EML1: variants seen among roughly 807,000 people sequenced by gnomAD.
EML1 encodes echinoderm microtubule-associated protein-like 1.
EML1 carries 27 observed loss-of-function variants against 110.4 expected under a neutral mutation model. The ratio of observed to expected loss-of-function variants is 0.24; its 90% CI spans 0.18 to 0.34. EML1 has a LOEUF of 0.34. Ranked by LOEUF, EML1 falls within the 10% of genes least tolerant of loss-of-function variation. The pLI, the probability that EML1 is intolerant of heterozygous loss-of-function variation, is 1.00. For missense variants in EML1, 741 were observed against 1,030.9 expected (o/e 0.72, Z 3.85); for synonymous variants, 344 against 385.8 (o/e 0.89, Z 1.27).
chr14:99,797,268 G>C (rs995166492), intron 1 of EML1, among the ~76,000 whole-genome samples: 1 of 152,230 alleles, frequency 6.6e-6, no homozygotes, highest in African/African-American at 2.4e-5. Context: ...GTTGTAGCCT[G>C]TGTCATCATG....
intron 1 of EML1, among the ~76,000 whole-genome samples, chr14:99,756,096 C>T (rs767340229): frequency 5.3e-5 from 8 of 152,196 alleles, no homozygotes; most frequent in Non-Finnish European, 8.8e-5. Context: ...GAAATGCAGC[C>T]AAGAAGGGGA....
At chr14:99,903,628 T>C (rs2140026922) in intron 9 of EML1, among the ~76,000 whole-genome samples, 1 of 152,294 alleles carries the variant, frequency 6.6e-6, no homozygotes, top group African/African-American at 2.4e-5. Flanking sequence ...CACATGCCAG[T>C]AACATATTTA....
intron 1 of EML1, among the ~76,000 whole-genome samples, chr14:99,758,262 A>G (rs1461209307): frequency 1.3e-5 from 2 of 152,222 alleles, no homozygotes; most frequent in Non-Finnish European, 2.9e-5. Flanking sequence ...ACAGACAGGA[A>G]AGACTGAGGG....
chr14:99,894,589 G>C, intron 5 of EML1, 40 bp from the exon 6 acceptor site: 1 of 1,594,736 alleles, frequency 6.3e-7, no homozygotes, highest in East Asian at 2.3e-5. Context: ...GGTACGCTGG[G>C]CACTGAGGTA....
chr14:99,883,559 C>A (rs2059424365), intron 4 of EML1: 1 of 151,380 alleles, frequency 6.6e-6, no homozygotes, highest in Non-Finnish European at 1.5e-5. Flanking sequence ...AATCTAGATG[C>A]ACTAAAAAGA....
chr14:99,932,483 G>C, intron 17 of EML1, among the ~76,000 whole-genome samples: 1 of 151,666 alleles, frequency 6.6e-6, no homozygotes, highest in Non-Finnish European at 1.5e-5. Flanking sequence ...CTAAAAATAC[G>C]AAATAATTAG....
At position 99,804,491 on chromosome 14, in the gene EML1, AG is replaced by A. The variant is rs554893997; in HGVS notation, c.67+10949del. On this transcript the variant is annotated intron_variant, in intron 1 of 21. Coordinates refer to ENST00000262233, the MANE Select transcript of EML1 (RefSeq NM_004434.3). ...AAGGAAACAGAGGCCCAAAACTTTGAGTAACTTGTTCAAGATTGCCTGGCCA... is the reference window on the plus strand; with the variant it reads ...AAGGAAACAGAGGCCCAAAACTTTGATAACTTGTTCAAGATTGCCTGGCCA... Among the ~76,000 whole-genome samples the A allele has an allele frequency of 4.9e-4, 75 of 152,320 alleles. 2 individuals are homozygous for A. In the South Asian group the frequency reaches 0.014, roughly 29 times the overall value.
At chr14:99,881,821 G>A (rs1484998672) in intron 4 of EML1, among the ~76,000 whole-genome samples, 3 of 151,958 alleles carry the variant, frequency 2.0e-5, no homozygotes, top group African/African-American at 4.8e-5. Context: ...GGATGGTCTC[G>A]ATCTCTTGAC....
At chr14:99,931,122 G>T (rs1335008392) in intron 17 of EML1, among the ~76,000 whole-genome samples, 1 of 152,090 alleles carries the variant, frequency 6.6e-6, no homozygotes, top group Non-Finnish European at 1.5e-5. Context: ...CCCTCCCTGG[G>T]TTGATCCCCA....
intron 8 of EML1, among the ~76,000 whole-genome samples, chr14:99,899,918 G>A (rs570664441): frequency 2.6e-5 from 4 of 152,000 alleles, no homozygotes; most frequent in Non-Finnish European, 5.9e-5. Context: ...GAATGCCCGC[G>A]GACACCCAGC....
At chr14:99,760,676 G>C (rs1314064599) in intron 1 of EML1, among the ~76,000 whole-genome samples, 1 of 152,094 alleles carries the variant, frequency 6.6e-6, no homozygotes, top group African/African-American at 2.4e-5. Context: ...AAAGGGCTTT[G>C]CAGACAGACT....
chr14:99,844,281 C>T (rs552339337), intron 1 of EML1, among the ~76,000 whole-genome samples: 1 of 152,238 alleles, frequency 6.6e-6, no homozygotes, highest in Non-Finnish European at 1.5e-5. Context: ...GGGTTCAAGA[C>T]CAACCTGGCC....
intron 2 of EML1, among the ~76,000 whole-genome samples, chr14:99,852,234 C>T (rs1235272054): frequency 1.3e-5 from 2 of 152,246 alleles, no homozygotes; most frequent in Non-Finnish European, 2.9e-5. Context: ...TCGTGACTAA[C>T]TGTAGAAAAG....
At chr14:99,745,681 G>A (rs147751820) in intron 1 of EML1, among the ~76,000 whole-genome samples, 18 of 152,288 alleles carry the variant, frequency 1.2e-4, no homozygotes, top group African/African-American at 4.1e-4. Flanking sequence ...GTCCACCCTC[G>A]AGGCCAAACT....
chr14:99,798,135 G>C (rs1175012822), intron 1 of EML1, among the ~76,000 whole-genome samples: 1 of 152,178 alleles, frequency 6.6e-6, no homozygotes, highest in East Asian at 1.9e-4. Flanking sequence ...GGTCCGTAGA[G>C]AATAGGTTTA....
upstream of EML1, among the ~76,000 whole-genome samples, chr14:99,770,127 G>A (rs2057407914): frequency 6.6e-6 from 1 of 152,072 alleles, no homozygotes; most frequent in African/African-American, 2.4e-5. Context: ...GTCCTCCTAT[G>A]ATCATCAGAG....
chr14:99,756,959 T>C (rs1369428937), intron 1 of EML1, among the ~76,000 whole-genome samples: 1 of 152,080 alleles, frequency 6.6e-6, no homozygotes, highest in Non-Finnish European at 1.5e-5. Context: ...GTGCCCACAA[T>C]GACACGCAGT....
intron 6 of EML1, 89 bp from the exon 7 acceptor site, chr14:99,897,056 T>C (rs2059682583): frequency 1.7e-6 from 2 of 1,185,660 alleles, no homozygotes; most frequent in Non-Finnish European, 2.3e-6. Context: ...AATAGTTATA[T>C]GGTATTTTAT....
intron 15 of EML1, 115 bp from the exon 16 acceptor site, chr14:99,917,667 A>T: frequency 3.1e-6 from 3 of 968,678 alleles, no homozygotes; most frequent in Non-Finnish European, 4.7e-6. Flanking sequence ...AGAGCCATAT[A>T]GCCCTAAGGA....
Sources: allele counts gnomAD v4.1 joint callset (sites outside exome capture counted in the v4.1 genomes callset), GRCh38; gene constraint gnomAD v4.1.1; transcripts MANE v1.5; gene names NCBI Gene and HGNC (gene_info 2026-07-23, HGNC 2026-07-21).